The following SUPT3H variants were observed in gnomAD, a reference collection of about 807,000 sequenced individuals.
SUPT3H encodes the protein transcription initiation protein SPT3 homolog.
In SUPT3H, 44 loss-of-function variants were observed where a neutral mutation model predicts 44.3. The ratio of observed to expected loss-of-function variants is 0.99; its 90% CI spans 0.78 to 1.28. The LOEUF is 1.28. SUPT3H is among the 50% of genes most tolerant of loss of function. The pLI is 0.00. For synonymous variants in SUPT3H, 124 were observed against 125.6 expected, an observed-to-expected ratio of 0.99 and a Z score of 0.09; for missense variants, 380 against 387.1, an observed-to-expected ratio of 0.98 and a Z score of 0.15.
chr6:45,230,539 G>C (rs1343990809), intron 2 of SUPT3H, among the ~76,000 whole-genome samples: 1 of 136,126 alleles, frequency 7.3e-6, no homozygotes, highest in African/African-American at 2.9e-5. Flanking sequence ...GCTCACTTTT[G>C]GTTTCTGTTT....
At chr6:44,969,610 A>G (rs140245142) in intron 6 of SUPT3H, among the ~76,000 whole-genome samples, 1 of 152,326 alleles carries the variant, frequency 6.6e-6, no homozygotes, top group Non-Finnish European at 1.5e-5. Context: ...AAAAAATCAA[A>G]AAACAAAAAC....
chr6:45,020,732 A>G (rs1178640236), intron 3 of SUPT3H, 100 bp from the exon 4 acceptor site: 2 of 727,760 alleles, frequency 2.7e-6, no homozygotes, highest in Non-Finnish European at 4.3e-6. Flanking sequence ...AGAGTTAAAA[A>G]CCTTTGGGAA....
intron 3 of SUPT3H, among the ~76,000 whole-genome samples, chr6:45,061,582 G>T (rs187160867): frequency 6.6e-6 from 1 of 152,074 alleles, no homozygotes; most frequent in African/African-American, 2.4e-5. Flanking sequence ...TCCTGCACAT[G>T]TACACCGGAA....
Position 45,282,055 on chromosome 6 carries a change from C to T in SUPT3H, c.101+83146G>A, listed in dbSNP as rs570020954. Among the ~76,000 whole-genome samples the T allele has an allele frequency of 2.6e-5, 4 of 152,258 alleles. No homozygotes were observed. In the South Asian group the frequency reaches 6.2e-4, roughly 24 times the overall value. ...GACTGTTAGAAGGAAAACTAACAAA[C>T]AGAAAGGACATCCACAACAAAAGCC... On this transcript the variant is annotated intron_variant, in intron 2 of 10. Transcript: ENST00000371459.
chr6:44,865,320 A>G (rs1265718287), intron 10 of SUPT3H, among the ~76,000 whole-genome samples: 1 of 151,982 alleles, frequency 6.6e-6, no homozygotes, highest in Admixed American at 6.6e-5. Flanking sequence ...AACTGTTCCA[A>G]CTTCTGTCTG....
chr6:45,229,162 T>C (rs1360111397), intron 2 of SUPT3H, among the ~76,000 whole-genome samples: 2 of 152,168 alleles, frequency 1.3e-5, no homozygotes, highest in Non-Finnish European at 2.9e-5. Context: ...ACTGAGTTAT[T>C]TGAAATATTA....
rs1233528859 is a variant in SUPT3H at position 45,285,245 on chromosome 6, C to A, written c.101+79956G>T. ...ATAGTGTTGGAAGTTCTGGCCAGGG[C>A]AATCAGGCAGGAGAAGGAAATAAAG... On this transcript the variant is annotated intron_variant, in intron 2 of 10. Coordinates refer to ENST00000371459, the MANE Select transcript of SUPT3H (RefSeq NM_003599.4). 4.6e-5 allele frequency among the ~76,000 whole-genome samples: 7 copies of A among 151,494 alleles called. No individual in the cohort carries two copies. The South Asian group carries it at 6.3e-4, about 14-fold the overall frequency.
Position 45,115,102 on chromosome 6 carries a change from G to C in SUPT3H, c.102-9096C>G, listed in dbSNP as rs1391016850. Among the ~76,000 whole-genome samples, 6 of 152,070 alleles carry C rather than the reference G, an allele frequency of 3.9e-5. No homozygotes were observed. The East Asian group carries it at 1.2e-3, about 29-fold the overall frequency. On this transcript the variant is annotated intron_variant, in intron 2 of 10. Coordinates refer to ENST00000371459, the MANE Select transcript of SUPT3H (RefSeq NM_003599.4). ...ACTGTAATCACAATAACACCTCATA[G>C]TCATAGAGGACTTTTCTCACCTATC...
At chr6:44,910,243 C>T (rs1766801111) in intron 10 of SUPT3H, among the ~76,000 whole-genome samples, 1 of 152,168 alleles carries the variant, frequency 6.6e-6, no homozygotes, top group Non-Finnish European at 1.5e-5. Flanking sequence ...ACCTGACCTT[C>T]CATGTTTCCC....
rs372142030 is a variant in SUPT3H at position 45,325,556 on chromosome 6, C to A, written c.101+39645G>T. 7.9e-5 allele frequency among the ~76,000 whole-genome samples: 12 copies of A among 151,908 alleles called. No homozygotes were observed. In the East Asian group the frequency reaches 2.1e-3, roughly 27 times the overall value. ...ATGGCATTAAAGTATGTGATTTATA[C>A]AGTATACCTAAACTTGTTGCTTACT... On this transcript the variant is annotated intron_variant, in intron 2 of 10. Coordinates refer to ENST00000371459, the MANE Select transcript of SUPT3H (RefSeq NM_003599.4).
At chr6:45,241,470 G>C (rs142506466) in intron 2 of SUPT3H, among the ~76,000 whole-genome samples, 1 of 152,060 alleles carries the variant, frequency 6.6e-6, no homozygotes, top group Non-Finnish European at 1.5e-5. Flanking sequence ...CCTTTGTTTC[G>C]GCCCATCCCT....
intron 7 of SUPT3H, among the ~76,000 whole-genome samples, chr6:44,961,178 T>C (rs1271186315): frequency 6.6e-6 from 1 of 152,168 alleles, no homozygotes; most frequent in East Asian, 1.9e-4. Flanking sequence ...AATAAGCTGA[T>C]GTGCAGTGAT....
At chr6:45,298,708 A>G (rs1018774344) in intron 2 of SUPT3H, among the ~76,000 whole-genome samples, 1 of 152,160 alleles carries the variant, frequency 6.6e-6, no homozygotes, top group Non-Finnish European at 1.5e-5. Context: ...AAATTGGCCA[A>G]TGTAATTGTT....
intron 10 of SUPT3H, among the ~76,000 whole-genome samples, chr6:44,830,207 C>A (rs900850856): frequency 1.3e-5 from 2 of 152,166 alleles, no homozygotes; most frequent in African/African-American, 4.8e-5. Context: ...TCAGGAATCA[C>A]TTCTAACTAA....
intron 2 of SUPT3H, among the ~76,000 whole-genome samples, chr6:45,157,552 T>G (rs1808036767): frequency 6.6e-6 from 1 of 151,452 alleles, no homozygotes; most frequent in South Asian, 2.1e-4. Flanking sequence ...TATATATACA[T>G]ATGTATTTCT....
downstream of SUPT3H, among the ~76,000 whole-genome samples, chr6:44,824,486 C>T (rs1294197161): frequency 1.3e-5 from 2 of 151,838 alleles, no homozygotes; most frequent in Non-Finnish European, 2.9e-5. Context: ...ATAGGGAGAC[C>T]CCATCTTAAA....
intron 2 of SUPT3H, among the ~76,000 whole-genome samples, chr6:45,333,412 TG>T (rs775897395): frequency 5.3e-5 from 8 of 151,580 alleles, no homozygotes; most frequent in Non-Finnish European, 7.4e-5. Context: ...GCTCTTTTAC[TG>T]TATACAGTAT....
rs34386988 is a variant in SUPT3H, at chr6:44,890,889, C to G, written c.912+41764G>C. Among the ~76,000 whole-genome samples the G allele has an allele frequency of 9.6e-3, 1,462 of 151,694 alleles. 13 individuals are homozygous for G. Among genetic ancestry groups the G allele is most frequent in the Non-Finnish European group, 0.016 (1,103 of 67,968 alleles). On this transcript the variant is annotated intron_variant, in intron 10 of 10. Coordinates refer to ENST00000371459, the MANE Select transcript of SUPT3H (RefSeq NM_003599.4). ...AACTATCATTCTCAGCAAACCAACA[C>G]AGGAACAGAAAACCAAACACTGCAA...
chr6:44,904,029 C>A (rs1199338750), intron 10 of SUPT3H, among the ~76,000 whole-genome samples: 1 of 152,156 alleles, frequency 6.6e-6, no homozygotes, highest in African/African-American at 2.4e-5. Context: ...TGGGATGCAT[C>A]TCAAAATAAT....
Sources: gnomAD v4.1 joint callset for allele counts (sites outside exome capture counted in the v4.1 genomes callset) on GRCh38, gnomAD v4.1.1 for gene constraint, MANE v1.5 for transcripts, NCBI Gene and HGNC (gene_info 2026-07-23, HGNC 2026-07-21) for gene names.